Variants in PCCA observed in about 807,000 individuals in gnomAD.
The protein encoded by PCCA is propionyl-CoA carboxylase alpha chain, mitochondrial.
PCCA carries 74 observed loss-of-function variants against 101.3 expected under a neutral mutation model. That is an observed-to-expected ratio of 0.73 (90% CI 0.61 to 0.89). The LOEUF (loss-of-function observed/expected upper bound fraction) is 0.89, where lower values mean the gene tolerates loss of function less well. PCCA is among the 40% of genes least tolerant of loss of function. The probability of loss-of-function intolerance (pLI) is 0.00; values close to 1 mark genes in which losing one functional copy is unlikely to be tolerated. For missense variants in PCCA, 891 were observed against 907.0 expected, an observed-to-expected ratio of 0.98 and a Z score of 0.23; for synonymous variants, 294 against 313.6, an observed-to-expected ratio of 0.94 and a Z score of 0.66.
intron 1 of PCCA, among the ~76,000 whole-genome samples, chr13:100,096,029 G>C (rs533179587): frequency 1.3e-4 from 20 of 152,294 alleles, no homozygotes; most frequent in African/African-American, 4.8e-4. Context: ...GAGTTGCTGA[G>C]AACTGGTCAG....
chr13:100,183,638 A>T (rs1010787505), intron 6 of PCCA, among the ~76,000 whole-genome samples: 1 of 152,056 alleles, frequency 6.6e-6, no homozygotes, highest in African/African-American at 2.4e-5. Flanking sequence ...GATAGAGGAG[A>T]AGAATGGGAC....
At chr13:100,172,446 C>T (rs1241468283) in intron 6 of PCCA, among the ~76,000 whole-genome samples, 1 of 151,730 alleles carries the variant, frequency 6.6e-6, no homozygotes, top group African/African-American at 2.4e-5. Context: ...AGGGCTTTGT[C>T]TTTTAGACAT....
At chr13:100,214,397 C>T (rs1387018540) in intron 7 of PCCA, among the ~76,000 whole-genome samples, 2 of 150,880 alleles carry the variant, frequency 1.3e-5, no homozygotes, top group South Asian at 2.1e-4. Context: ...CTCGCATCAA[C>T]GTTTTATAGT....
chr13:100,502,240 A>G (rs1291246123), intron 21 of PCCA, among the ~76,000 whole-genome samples: 1 of 152,192 alleles, frequency 6.6e-6, no homozygotes, highest in East Asian at 1.9e-4. Context: ...ATGAGTGTAT[A>G]GTGGAAGTCT....
At chr13:100,208,103 T>C (rs1472401533) in intron 6 of PCCA, among the ~76,000 whole-genome samples, 1 of 152,160 alleles carries the variant, frequency 6.6e-6, no homozygotes, top group East Asian at 1.9e-4. Context: ...AATACTTGAC[T>C]ATTGCAGAGG....
chr13:100,368,082 T>C (rs939029873), intron 18 of PCCA, among the ~76,000 whole-genome samples: 1 of 152,204 alleles, frequency 6.6e-6, no homozygotes, highest in African/African-American at 2.4e-5. Flanking sequence ...CATTGTTTAA[T>C]ACATTTTTAG....
At chr13:100,217,484 A>C (rs2152492042) in intron 7 of PCCA, among the ~76,000 whole-genome samples, 1 of 152,216 alleles carries the variant, frequency 6.6e-6, no homozygotes, top group Non-Finnish European at 1.5e-5. Flanking sequence ...AACTGCAAAT[A>C]TATGAAAATA....
chr13:100,287,821 T>TC (rs1234140869), intron 12 of PCCA, among the ~76,000 whole-genome samples: 2 of 151,780 alleles, frequency 1.3e-5, no homozygotes, highest in Admixed American at 6.6e-5. Flanking sequence ...TAGGGGGTTT[T>TC]TTTAATCAAG....
chr13:100,480,958 A>T (rs2083865579), intron 21 of PCCA: 1 of 152,220 alleles, frequency 6.6e-6, no homozygotes, highest in Non-Finnish European at 1.5e-5. Context: ...TGCGGATGGG[A>T]CCGAACCCTG....
Position 100,120,832 on chromosome 13 carries a change from G to T in PCCA, c.300+8771G>T, listed in dbSNP as rs11840165. Among the ~76,000 whole-genome samples, 553 of 152,250 alleles carry T rather than the reference G, an allele frequency of 3.6e-3. 3 individuals are homozygous for T. The highest frequency in any genetic ancestry group is 0.013 in the African/African-American group (527 of 41,542). On this transcript the variant is annotated intron_variant, in intron 4 of 23. Coordinates refer to ENST00000376285, the MANE Select transcript of PCCA (RefSeq NM_000282.4). ...TTTATGAAGAGAAGACAATTCTAGT[G>T]CAAGAATGTAACCAGCTGGGATTTT... is the stretch of plus-strand genomic sequence containing the variant.
intron 7 of PCCA, among the ~76,000 whole-genome samples, chr13:100,212,764 AATT>A (rs1425607939): frequency 6.6e-6 from 1 of 151,990 alleles, no homozygotes; most frequent in African/African-American, 2.4e-5. Flanking sequence ...ATGTACAATA[AATT>A]ATTGTTGACT....
chr13:100,242,700 G>A (rs2061215155), intron 8 of PCCA, among the ~76,000 whole-genome samples: 1 of 152,138 alleles, frequency 6.6e-6, no homozygotes, highest in Admixed American at 6.5e-5. Context: ...CTCATAAAGT[G>A]TTGCCCATGA....
chr13:100,224,674 C>T (rs1002313277), intron 7 of PCCA, among the ~76,000 whole-genome samples: 4 of 152,212 alleles, frequency 2.6e-5, no homozygotes, highest in African/African-American at 9.6e-5. Context: ...GCGCAGGGGC[C>T]TATGCATATA....
In PCCA at chr13:100,494,341, G is replaced by A. The variant is rs557703644; in HGVS notation, c.1900-21086G>A. 7.1e-4 allele frequency among the ~76,000 whole-genome samples: 108 copies of A among 152,186 alleles called. 1 individual carries two copies. The highest frequency in any genetic ancestry group is 2.1e-3 in the African/African-American group (86 of 41,536). On this transcript the variant is annotated intron_variant, in intron 21 of 23. Coordinates refer to ENST00000376285, the MANE Select transcript of PCCA (RefSeq NM_000282.4). The stretch of plus-strand genomic sequence containing the variant: ...GGGACTGCACTTAGCATTCACCTTC[G>A]GATGCCATGGCTAGGTCAGGATGCC...
Position 100,115,236 on chromosome 13 carries a change from T to G in PCCA, c.300+3175T>G, listed in dbSNP as rs141935261. On this transcript the variant is annotated intron_variant, in intron 4 of 23. Coordinates refer to ENST00000376285, the MANE Select transcript of PCCA (RefSeq NM_000282.4). The stretch of plus-strand genomic sequence containing the variant: ...CTAAAAATGAAAACAATTGGACTCA[T>G]AGAGAGAGAGTAGAAGGATGGTTAC... Among the ~76,000 whole-genome samples the G allele has an allele frequency of 4.0e-3, 612 of 151,622 alleles. 4 individuals are homozygous for G. The highest frequency in any genetic ancestry group is 0.013 in the African/African-American group (543 of 41,274).
intron 6 of PCCA, among the ~76,000 whole-genome samples, chr13:100,203,796 A>T (rs747020893): frequency 2.4e-4 from 36 of 152,346 alleles, no homozygotes; most frequent in Non-Finnish European, 4.0e-4. Context: ...ATGTATTTTA[A>T]AATCAGTGAC....
chr13:100,411,463 C>T (rs2078046790), intron 19 of PCCA, among the ~76,000 whole-genome samples: 2 of 152,122 alleles, frequency 1.3e-5, no homozygotes, highest in Non-Finnish European at 2.9e-5. Context: ...CTGAAAAAAG[C>T]ACAACATTAC....
intron 18 of PCCA, among the ~76,000 whole-genome samples, chr13:100,365,672 A>C (rs968600633): frequency 6.6e-6 from 1 of 152,244 alleles, no homozygotes; most frequent in Non-Finnish European, 1.5e-5. Flanking sequence ...TGAGATGAGA[A>C]TCCAAAGTTT....
Position 100,355,303 on chromosome 13 carries a change from C to T in PCCA, c.1644-13169C>T, listed in dbSNP as rs116429840. 3.7e-3 allele frequency among the ~76,000 whole-genome samples: 556 copies of T among 152,178 alleles called. 3 individuals are homozygous for T. The highest frequency in any genetic ancestry group is 0.013 in the African/African-American group (529 of 41,536). On this transcript the variant is annotated intron_variant, in intron 18 of 23. Coordinates refer to ENST00000376285, the MANE Select transcript of PCCA (RefSeq NM_000282.4). Reference sequence around the variant, plus strand: ...GCCTACTCGGAATAGAAGGCAACTTCCTCAGACTGATGAGGAGCATGTGTA... The same window carrying T: ...GCCTACTCGGAATAGAAGGCAACTTTCTCAGACTGATGAGGAGCATGTGTA...
Sources: gnomAD v4.1 joint callset for allele counts (sites outside exome capture counted in the v4.1 genomes callset) on GRCh38, gnomAD v4.1.1 for gene constraint, MANE v1.5 for transcripts, NCBI Gene and HGNC (gene_info 2026-07-23, HGNC 2026-07-21) for gene names.